MDGA2: variants seen among roughly 807,000 people sequenced by gnomAD.
MDGA2 encodes the protein MAM domain-containing glycosylphosphatidylinositol anchor protein 2.
Under a neutral mutation model 117.8 loss-of-function variants are expected in MDGA2, and 40 were observed. The observed-to-expected ratio is 0.34, with a 90% CI of 0.26 to 0.44. MDGA2 has a LOEUF of 0.44. Ranked by LOEUF, MDGA2 falls within the 20% of genes least tolerant of loss-of-function variation. The probability of loss-of-function intolerance (pLI) is 1.00; values close to 1 mark genes in which losing one functional copy is unlikely to be tolerated. For missense variants in MDGA2, 1,123 were observed against 1,250.6 expected (o/e 0.90, Z 1.54); for synonymous variants, 452 against 439.0 (o/e 1.03, Z -0.37).
intron 1 of MDGA2, among the ~76,000 whole-genome samples, chr14:47,602,151 C>A (rs182047456): frequency 6.6e-6 from 1 of 152,146 alleles, no homozygotes; most frequent in African/African-American, 2.4e-5. Context: ...GTAAGTGACA[C>A]ATATTTTGCT....
chr14:47,602,993 G>C (rs557981691), intron 1 of MDGA2, among the ~76,000 whole-genome samples: 1 of 152,134 alleles, frequency 6.6e-6, no homozygotes, highest in African/African-American at 2.4e-5. Flanking sequence ...ACATTAAGTA[G>C]AGCCTATATA....
intron 1 of MDGA2, among the ~76,000 whole-genome samples, chr14:47,656,824 T>C (rs1478949083): frequency 1.3e-5 from 2 of 152,196 alleles, no homozygotes; most frequent in African/African-American, 4.8e-5. Flanking sequence ...CTTAACATTA[T>C]TCCCATAAAG....
chr14:47,167,025 T>C (rs1015720296), intron 3 of MDGA2, among the ~76,000 whole-genome samples: 2 of 152,062 alleles, frequency 1.3e-5, no homozygotes, highest in Non-Finnish European at 2.9e-5. Context: ...CTCAGAAAAT[T>C]GGGAAAAATT....
At chr14:47,059,494 T>C (rs1889804881) in intron 7 of MDGA2, 1 of 376,670 alleles carries the variant, frequency 2.7e-6, no homozygotes, top group Non-Finnish European at 5.0e-6. Context: ...CACAAATCAA[T>C]GTTGGTCATC....
At position 47,386,617 on chromosome 14, in the gene MDGA2, A is replaced by G. The variant is rs370828446; in HGVS notation, c.281-85067T>C. On this transcript the variant is annotated intron_variant, in intron 1 of 16. Transcript: ENST00000399232. ...GAAGAGTGAAAACATATGAAGAGCAAAAGGAAAAATGGAGAGACAAGTACC... is the reference window on the plus strand; with the variant it reads ...GAAGAGTGAAAACATATGAAGAGCAGAAGGAAAAATGGAGAGACAAGTACC... 1.2e-4 allele frequency among the ~76,000 whole-genome samples: 19 copies of G among 152,338 alleles called. No individual in the cohort carries two copies. The East Asian group carries it at 3.7e-3, about 29-fold the overall frequency.
chr14:46,924,341 C>A (rs968597958), intron 9 of MDGA2, among the ~76,000 whole-genome samples: 2 of 151,744 alleles, frequency 1.3e-5, no homozygotes, highest in African/African-American at 4.8e-5. Context: ...AATTATTATT[C>A]CCACTATGAA....
chr14:47,099,368 G>A (rs1880166694), intron 5 of MDGA2, among the ~76,000 whole-genome samples: 1 of 151,792 alleles, frequency 6.6e-6, no homozygotes, highest in East Asian at 1.9e-4. Flanking sequence ...TCATGTCGTT[G>A]AGTAAAAACT....
intron 1 of MDGA2, among the ~76,000 whole-genome samples, chr14:47,338,737 T>C (rs1479715179): frequency 6.6e-6 from 1 of 152,060 alleles, no homozygotes; most frequent in African/African-American, 2.4e-5. Context: ...TATCTATAGA[T>C]TCAGATAAGG....
chr14:47,049,048 T>C (rs1889361140), intron 7 of MDGA2, among the ~76,000 whole-genome samples: 1 of 152,100 alleles, frequency 6.6e-6, no homozygotes, highest in Admixed American at 6.6e-5. Context: ...TTGCATTTTA[T>C]TCCCAAGAAA....
intron 9 of MDGA2, among the ~76,000 whole-genome samples, chr14:46,939,986 A>G (rs1185947167): frequency 6.6e-6 from 1 of 152,176 alleles, no homozygotes; most frequent in African/African-American, 2.4e-5. Flanking sequence ...TATAGGAACT[A>G]CATCTACTTC....
intron 1 of MDGA2, among the ~76,000 whole-genome samples, chr14:47,618,991 T>A (rs1440428773): frequency 6.6e-6 from 1 of 152,074 alleles, no homozygotes; most frequent in African/African-American, 2.4e-5. Context: ...GGCCTCTTTT[T>A]TTTTTGTTAT....
chr14:47,332,319 T>C (rs1890316118), intron 1 of MDGA2, among the ~76,000 whole-genome samples: 1 of 152,034 alleles, frequency 6.6e-6, no homozygotes, highest in Non-Finnish European at 1.5e-5. Context: ...CTGGCCTTAC[T>C]CCAGTCACTT....
chr14:47,058,626 A>G, intron 7 of MDGA2: 2 of 985,116 alleles, frequency 2.0e-6, no homozygotes, highest in Non-Finnish European at 2.4e-6. Flanking sequence ...ATTGGGATAA[A>G]TATCATTTTA....
At chr14:47,112,940 T>A (rs548478154) in intron 5 of MDGA2, among the ~76,000 whole-genome samples, 1 of 152,318 alleles carries the variant, frequency 6.6e-6, no homozygotes, top group African/African-American at 2.4e-5. Flanking sequence ...TCATTCTGAC[T>A]GGCATGAGGT....
chr14:47,607,439 A>G (rs1896762275), intron 1 of MDGA2, among the ~76,000 whole-genome samples: 1 of 152,206 alleles, frequency 6.6e-6, no homozygotes, highest in Non-Finnish European at 1.5e-5. Flanking sequence ...GTTGCTATAT[A>G]TCAACATAAC....
intron 1 of MDGA2, among the ~76,000 whole-genome samples, chr14:47,532,192 A>G (rs1955776): frequency 0.079 from 12,020 of 152,264 alleles, 558 homozygotes; most frequent in Non-Finnish European, 0.1. Flanking sequence ...AAAGGCAGAG[A>G]AAAATTTCCA....
At chr14:47,234,300 A>G (rs1034511479) in intron 2 of MDGA2, among the ~76,000 whole-genome samples, 1 of 151,454 alleles carries the variant, frequency 6.6e-6, no homozygotes, top group African/African-American at 2.4e-5. Context: ...ATCATAAGTC[A>G]TCTAGCATAA....
intron 1 of MDGA2, among the ~76,000 whole-genome samples, chr14:47,486,973 AT>A (rs1381329938): frequency 6.6e-6 from 1 of 152,196 alleles, no homozygotes. Context: ...GTTTTCCTTT[AT>A]CATTCTTATG....
intron 1 of MDGA2, among the ~76,000 whole-genome samples, chr14:47,302,643 A>G (rs928149561): frequency 6.6e-6 from 1 of 152,156 alleles, no homozygotes; most frequent in Non-Finnish European, 1.5e-5. Flanking sequence ...AATCTTATAG[A>G]ATTTTAAAAT....
Sources: gnomAD v4.1 joint callset for allele counts (sites outside exome capture counted in the v4.1 genomes callset) on GRCh38, gnomAD v4.1.1 for gene constraint, MANE v1.5 for transcripts, NCBI Gene and HGNC (gene_info 2026-07-23, HGNC 2026-07-21) for gene names.